The following LRRC49 variants were observed in gnomAD, a reference collection of about 807,000 sequenced individuals.
LRRC49 encodes the protein leucine rich repeat containing 49.
Under a neutral mutation model 83.3 loss-of-function variants are expected in LRRC49, and 50 were observed. The observed-to-expected ratio is 0.60, with a 90% CI of 0.48 to 0.76. The LOEUF is 0.76. LRRC49 is among the 30% of genes least tolerant of loss of function. LRRC49 has a pLI of 0.00. For synonymous variants in LRRC49, 286 were observed against 283.3 expected, an observed-to-expected ratio of 1.01 and a Z score of -0.10; for missense variants, 704 against 809.1, an observed-to-expected ratio of 0.87 and a Z score of 1.58.
In LRRC49 at chr15:71,026,931, A is replaced by G. The variant is rs527763814; in HGVS notation, c.1704-10248A>G. On this transcript the variant is annotated intron_variant, in intron 14 of 15. Transcript: ENST00000260382. ...GATGATAGTTTCTTTTGCTGTGCAGAAGCTCTATAGTTTGATTATATCCCA... is the reference window on the plus strand; with the variant it reads ...GATGATAGTTTCTTTTGCTGTGCAGGAGCTCTATAGTTTGATTATATCCCA... Among the ~76,000 whole-genome samples, 25 of 152,280 alleles carry G rather than the reference A, an allele frequency of 1.6e-4. 1 individual carries two copies. Among genetic ancestry groups the G allele is most frequent in the Admixed American group, 1.5e-3 (23 of 15,288 alleles).
intron 7 of LRRC49, among the ~76,000 whole-genome samples, chr15:70,926,427 C>A (rs1421452626): frequency 1.3e-5 from 2 of 152,170 alleles, no homozygotes; most frequent in Middle Eastern, 3.4e-3. Context: ...GCTCTCATTT[C>A]TCTTAGGTAA....
intron 14 of LRRC49, among the ~76,000 whole-genome samples, chr15:71,026,068 G>GC (rs911418432): frequency 1.1e-4 from 16 of 151,368 alleles, no homozygotes; most frequent in African/African-American, 3.1e-4. Context: ...CCCTCCCTTA[G>GC]CCCCCCACCC....
At chr15:70,988,479 T>C (rs1407232325) in intron 11 of LRRC49, among the ~76,000 whole-genome samples, 10 of 151,848 alleles carry the variant, frequency 6.6e-5, no homozygotes, top group Non-Finnish European at 5.9e-5. Flanking sequence ...TTTTGTTTTC[T>C]ATTTGCTTGG....
chr15:70,968,125 C>T (rs2036857078), intron 9 of LRRC49, among the ~76,000 whole-genome samples: 1 of 152,038 alleles, frequency 6.6e-6, no homozygotes, highest in African/African-American at 2.4e-5. Context: ...TCTCCTAATG[C>T]TATCCCTCTC....
intron 14 of LRRC49, among the ~76,000 whole-genome samples, chr15:71,035,480 A>G (rs1457017673): frequency 6.6e-6 from 1 of 151,960 alleles, no homozygotes; most frequent in Non-Finnish European, 1.5e-5. Context: ...ATTTCTCCTA[A>G]TGGTATCCCT....
intron 5 of LRRC49, among the ~76,000 whole-genome samples, chr15:70,909,710 G>T (rs915591766): frequency 6.6e-6 from 1 of 151,884 alleles, no homozygotes; most frequent in Non-Finnish European, 1.5e-5. Context: ...GTAGTGGCTC[G>T]CACCTGTGGT....
intron 13 of LRRC49, among the ~76,000 whole-genome samples, chr15:71,011,587 C>T (rs978795158): frequency 6.6e-5 from 10 of 152,032 alleles, no homozygotes; most frequent in African/African-American, 1.9e-4. Context: ...TAATGTTACA[C>T]TGCATTTTTA....
At chr15:70,910,046 A>G (rs2141120365) in intron 5 of LRRC49, among the ~76,000 whole-genome samples, 1 of 152,182 alleles carries the variant, frequency 6.6e-6, no homozygotes, top group East Asian at 1.9e-4. Context: ...GATTTGGATG[A>G]AGTGAGGTAG....
In LRRC49 at chr15:70,925,031, C is replaced by G. The variant is rs568502837; in HGVS notation, c.711+5838C>G. ...TACTATGATATGTTTAGGTGTGGAA[C>G]TATCTTATTTTATTAATTTGAAACA... On this transcript the variant is annotated intron_variant, in intron 7 of 15. Coordinates refer to ENST00000260382, the MANE Select transcript of LRRC49 (RefSeq NM_017691.5). 5.9e-5 allele frequency among the ~76,000 whole-genome samples: 9 copies of G among 152,048 alleles called. 1 individual carries two copies. In the South Asian group the frequency reaches 1.9e-3, roughly 31 times the overall value.
intron 8 of LRRC49, among the ~76,000 whole-genome samples, chr15:70,943,572 G>C (rs1026390309): frequency 3.3e-5 from 5 of 152,176 alleles, no homozygotes; most frequent in African/African-American, 1.2e-4. Context: ...TGGCCTGCTG[G>C]CATTTGGGAG....
intron 14 of LRRC49, among the ~76,000 whole-genome samples, chr15:71,031,142 T>A (rs1044815376): frequency 1.3e-5 from 2 of 152,232 alleles, no homozygotes; most frequent in African/African-American, 2.4e-5. Context: ...TGTGGATTTA[T>A]CTACCTTTGA....
In LRRC49 at chr15:70,911,697, G is replaced by T. The variant is rs1297437806; in HGVS notation, c.567+99G>T. 3 of 719,502 alleles carry T rather than the reference G, an allele frequency of 4.2e-6. No homozygotes were observed. In the East Asian group the frequency reaches 8.3e-5, roughly 20 times the overall value. The allele number at this position is 719,502 out of a possible 1,614,324, so 44.6% of individuals were successfully genotyped here. A position where few individuals can be genotyped will look rare whatever the true frequency, so the allele number is the denominator to read the frequency against. On this transcript the variant is annotated intron_variant, in intron 6 of 15. Transcript: ENST00000260382. The stretch of plus-strand genomic sequence containing the variant: ...CATACTCGCATTGAATTTTTCAAGA[G>T]TTTCTTTATTGATTCACTGAAATTT...
rs56024487 is a variant in LRRC49 at position 71,028,648 on chromosome 15, C to T, written c.1704-8531C>T. 7.8e-3 allele frequency among the ~76,000 whole-genome samples: 1,184 copies of T among 152,170 alleles called. 9 individuals are homozygous for T. The highest frequency in any genetic ancestry group is 0.02 in the Middle Eastern group (6 of 294). Reference sequence around the variant, plus strand: ...GTTGTTATTGGTGTATTCAGAGATTCGACTTCTTCCTGGTTTAGTCTTGGG... The same window carrying T: ...GTTGTTATTGGTGTATTCAGAGATTTGACTTCTTCCTGGTTTAGTCTTGGG... On this transcript the variant is annotated intron_variant, in intron 14 of 15. Coordinates refer to ENST00000260382, the MANE Select transcript of LRRC49 (RefSeq NM_017691.5).
chr15:70,853,965 C>T, intron 1 of LRRC49: 1 of 1,457,874 alleles, frequency 6.9e-7, no homozygotes, highest in Non-Finnish European at 9.1e-7. Context: ...TCCCCGGCGC[C>T]CCGAGTCTCC....
chr15:70,959,717 T>A lies in LRRC49; in HGVS notation c.774-4068T>A, dbSNP rs2036540772. Among the ~76,000 whole-genome samples, 2 of 152,110 alleles carry A rather than the reference T, an allele frequency of 1.3e-5. 1 individual carries two copies. Among genetic ancestry groups the A allele is most frequent in the Admixed American group, 1.3e-4 (2 of 15,270 alleles). ...AAATCCCAATCAAAATCCCATAGGTTATTTATAGATATCAACAATTGAATT... is the reference window on the plus strand; with the variant it reads ...AAATCCCAATCAAAATCCCATAGGTAATTTATAGATATCAACAATTGAATT... On this transcript the variant is annotated intron_variant, in intron 8 of 15. Coordinates refer to ENST00000260382, the MANE Select transcript of LRRC49 (RefSeq NM_017691.5).
Position 71,006,661 on chromosome 15 carries a change from A to G in LRRC49, c.1170-1718A>G, listed in dbSNP as rs138343414. On this transcript the variant is annotated intron_variant, in intron 11 of 15. Coordinates refer to ENST00000260382, the MANE Select transcript of LRRC49 (RefSeq NM_017691.5). ...GAGCATAGGCTAGGAGCTGTACTAGATGTTGGATCTACTATAGTAATCGTG... is the reference window on the plus strand; with the variant it reads ...GAGCATAGGCTAGGAGCTGTACTAGGTGTTGGATCTACTATAGTAATCGTG... Among the ~76,000 whole-genome samples, 525 of 152,256 alleles carry G rather than the reference A, an allele frequency of 3.4e-3. 2 individuals carry two copies. The highest frequency in any genetic ancestry group is 5.7e-3 in the Non-Finnish European group (384 of 67,954).
intron 15 of LRRC49, among the ~76,000 whole-genome samples, chr15:71,045,113 C>A (rs1479505943): frequency 6.6e-6 from 1 of 151,942 alleles, no homozygotes; most frequent in Non-Finnish European, 1.5e-5. Flanking sequence ...CCAGGATGGT[C>A]TCGATCTCCA....
At chr15:70,980,791 C>G (rs1047229809) in intron 10 of LRRC49, among the ~76,000 whole-genome samples, 6 of 151,990 alleles carry the variant, frequency 3.9e-5, no homozygotes, top group African/African-American at 1.5e-4. Flanking sequence ...TCATAATATG[C>G]ATCATGCTGT....
chr15:70,898,236 T>C (rs2033918916), intron 3 of LRRC49: 2 of 578,720 alleles, frequency 3.5e-6, no homozygotes, highest in Admixed American at 5.8e-5. Context: ...ACCATTATAC[T>C]TCTTAACACT....
Sources: gnomAD v4.1 joint callset for allele counts (sites outside exome capture counted in the v4.1 genomes callset) on GRCh38, gnomAD v4.1.1 for gene constraint, MANE v1.5 for transcripts, NCBI Gene and HGNC (gene_info 2026-07-23, HGNC 2026-07-21) for gene names.